Variants in ANTXR2 observed in about 807,000 individuals in gnomAD.
The protein encoded by ANTXR2 is ANTXR cell adhesion molecule 2, also known as anthrax toxin receptor 2.
In ANTXR2, 44 loss-of-function variants were observed where a neutral mutation model predicts 73.7. The observed-to-expected ratio is 0.60, with a 90% CI of 0.47 to 0.77. The LOEUF (loss-of-function observed/expected upper bound fraction) is 0.77, where lower values mean the gene tolerates loss of function less well. Among genes scored for constraint, ANTXR2 ranks in the 30% least tolerant of loss-of-function variants. ANTXR2 has a pLI of 0.00. For synonymous variants in ANTXR2, 217 were observed against 205.9 expected (o/e 1.05, Z -0.46); for missense variants, 604 against 592.5 (o/e 1.02, Z -0.20).
intron 16 of ANTXR2, 86 bp downstream of exon 16, chr4:79,977,534 TA>T (rs1337172621): frequency 6.6e-7 from 1 of 1,522,724 alleles, no homozygotes; most frequent in South Asian, 1.3e-5. Flanking sequence ...AATAGGGCTT[TA>T]AAATCATTTT....
intron 16 of ANTXR2, among the ~76,000 whole-genome samples, chr4:79,924,669 A>AT (rs1727714788): frequency 6.6e-6 from 1 of 152,110 alleles, no homozygotes; most frequent in South Asian, 2.1e-4. Context: ...GAACACAGAG[A>AT]TTTTTTAGCA....
chr4:79,975,490 T>G (rs541087077), intron 16 of ANTXR2, among the ~76,000 whole-genome samples: 2 of 152,272 alleles, frequency 1.3e-5, no homozygotes, highest in African/African-American at 4.8e-5. Context: ...ATCATGACAG[T>G]TAAAAGAAAA....
chr4:80,022,400 C>T (rs1191680580), intron 10 of ANTXR2, among the ~76,000 whole-genome samples: 1 of 152,102 alleles, frequency 6.6e-6, no homozygotes, highest in Non-Finnish European at 1.5e-5. Context: ...TTTAGAAAAA[C>T]ATTTTTGAAA....
intron 12 of ANTXR2, among the ~76,000 whole-genome samples, chr4:80,008,127 C>T (rs1731397635): frequency 6.6e-6 from 1 of 152,016 alleles, no homozygotes; most frequent in Non-Finnish European, 1.5e-5. Context: ...AAATGGTAGA[C>T]CCTTCAAAGA....
rs1734486489 is a variant in ANTXR2 at position 80,066,160 on chromosome 4, C to G, written c.296+3276G>C. Reference sequence around the variant, plus strand: ...AAATTAGTAAAATAGCAATATAGAACAAGAAAATAATGTCCTTTATTGGAG... The same window carrying G: ...AAATTAGTAAAATAGCAATATAGAAGAAGAAAATAATGTCCTTTATTGGAG... On this transcript the variant is annotated intron_variant, in intron 3 of 16. Transcript: ENST00000403729. Among the ~76,000 whole-genome samples, 3 of 152,090 alleles carry G rather than the reference C, an allele frequency of 2.0e-5. No individual in the cohort carries two copies. In the South Asian group the frequency reaches 6.2e-4, roughly 31 times the overall value.
intron 16 of ANTXR2, among the ~76,000 whole-genome samples, chr4:79,934,441 C>T (rs1344714061): frequency 6.6e-6 from 1 of 151,728 alleles, no homozygotes; most frequent in East Asian, 1.9e-4. Context: ...GCATGGGAAT[C>T]GTTTGAACCT....
intron 11 of ANTXR2, among the ~76,000 whole-genome samples, chr4:80,018,147 T>C (rs6855329): frequency 0.16 from 24,586 of 152,166 alleles, 3,016 homozygotes; most frequent in African/African-American, 0.35. Flanking sequence ...GATTTTGGTC[T>C]TTTGGAGGGC....
At position 79,951,040 on chromosome 4, in the gene ANTXR2, C is replaced by A. The variant is rs141076975; in HGVS notation, c.1428+26581G>T. Among the ~76,000 whole-genome samples, 63 of 152,264 alleles carry A rather than the reference C, an allele frequency of 4.1e-4. 1 individual carries two copies. Among genetic ancestry groups the A allele is most frequent in the Non-Finnish European group, 6.6e-4 (45 of 68,012 alleles). ...CCCAGTTGCCTTCTGCTCTTACCTT[C>A]AGTCCTTCTAAGAGTATACTGCCTG... On this transcript the variant is annotated intron_variant, in intron 16 of 16. Coordinates refer to ENST00000403729, the MANE Select transcript of ANTXR2 (RefSeq NM_058172.6).
At chr4:80,034,850 C>T (rs1454980716) in intron 8 of ANTXR2, among the ~76,000 whole-genome samples, 3 of 151,972 alleles carry the variant, frequency 2.0e-5, no homozygotes, top group Admixed American at 6.6e-5. Context: ...TACTGCCAAC[C>T]CACTTTTCAT....
At chr4:79,930,767 A>G (rs1361154510) in intron 16 of ANTXR2, among the ~76,000 whole-genome samples, 1 of 152,248 alleles carries the variant, frequency 6.6e-6, no homozygotes, top group Non-Finnish European at 1.5e-5. Context: ...CAGTATGGAA[A>G]CCAGATAATC....
chr4:80,064,059 A>G (rs535665460), intron 3 of ANTXR2, among the ~76,000 whole-genome samples: 1 of 152,352 alleles, frequency 6.6e-6, no homozygotes, highest in African/African-American at 2.4e-5. Context: ...TTCCACAAGT[A>G]AATTTTTAAT....
intron 16 of ANTXR2, among the ~76,000 whole-genome samples, chr4:79,972,924 A>AAGAAAAAAAAAAAG (rs1553929142): frequency 5.9e-5 from 1 of 17,010 alleles, no homozygotes; most frequent in East Asian, 8.9e-3. Context: ...GTATAATAAA[A>AAGAAAAAAAAAAAG]AAAAAAAAAA....
intron 16 of ANTXR2, among the ~76,000 whole-genome samples, chr4:79,953,010 T>G (rs1185657124): frequency 1.3e-5 from 2 of 152,096 alleles, no homozygotes; most frequent in Admixed American, 1.3e-4. Context: ...CTATGACAGC[T>G]GTATCATGGG....
chr4:79,984,931 T>C (rs1730055448), intron 12 of ANTXR2, 68 bp from the exon 13 acceptor site: 1 of 1,262,594 alleles, frequency 7.9e-7, no homozygotes, highest in South Asian at 1.4e-5. Context: ...TGTGTAAAAA[T>C]AATTTGATAC....
At chr4:79,991,032 T>C (rs1037177198) in intron 12 of ANTXR2, among the ~76,000 whole-genome samples, 3 of 152,116 alleles carry the variant, frequency 2.0e-5, no homozygotes, top group Non-Finnish European at 2.9e-5. Context: ...ATTTTGGACA[T>C]AGGCTTTGGC....
intron 16 of ANTXR2, among the ~76,000 whole-genome samples, chr4:79,919,863 T>TAATA (rs1491209102): frequency 0.011 from 51 of 4,490 alleles, 7 homozygotes; most frequent in East Asian, 0.069. Flanking sequence ...CTAATACATA[T>TAATA]TTTATATATA....
chr4:80,042,573 C>G (rs1578179963), intron 7 of ANTXR2, among the ~76,000 whole-genome samples: 1 of 152,100 alleles, frequency 6.6e-6, no homozygotes, highest in Non-Finnish European at 1.5e-5. Flanking sequence ...ATATAGGTTT[C>G]CTTTATCTCC....
intron 16 of ANTXR2, among the ~76,000 whole-genome samples, chr4:79,946,098 A>G (rs1285121203): frequency 3.9e-5 from 6 of 152,182 alleles, no homozygotes; most frequent in Admixed American, 2.6e-4. Flanking sequence ...TAATCTTCAA[A>G]CAACCACATG....
At position 79,901,371 on chromosome 4, in the gene ANTXR2, T is replaced by A. The variant is rs1276848812; in HGVS notation, c.*6058A>T. On this transcript the variant is annotated 3_prime_UTR_variant, in exon 17 of 17. Coordinates refer to ENST00000403729, the MANE Select transcript of ANTXR2 (RefSeq NM_058172.6). ...GATTTGCTTCTAATTTGGCACATGA[T>A]GTAACAATTTCCTTTCTCTATCATT... is the stretch of plus-strand genomic sequence containing the variant. The A allele has an allele frequency of 6.6e-6, 1 of 152,126 alleles. No individual in the cohort carries two copies. The highest frequency in any genetic ancestry group is 1.5e-5 in the Non-Finnish European group (1 of 68,016). 9.4% of individuals were successfully genotyped at this position (152,126 alleles called of 1,614,324 possible).
Sources: allele counts gnomAD v4.1 joint callset (sites outside exome capture counted in the v4.1 genomes callset), GRCh38; gene constraint gnomAD v4.1.1; transcripts MANE v1.5; gene names NCBI Gene and HGNC (gene_info 2026-07-23, HGNC 2026-07-21).